PAPPA: variants seen among roughly 807,000 people sequenced by gnomAD.
PAPPA encodes the protein pappalysin 1, also known as pappalysin-1.
A neutral mutation model predicts 164.0 loss-of-function variants in PAPPA; 60 were observed. The ratio of observed to expected loss-of-function variants is 0.37; its 90% CI spans 0.30 to 0.45. The LOEUF is 0.45. Among genes scored for constraint, PAPPA ranks in the 20% least tolerant of loss-of-function variants. The pLI is 1.00. For synonymous variants in PAPPA, 875 were observed against 814.1 expected (o/e 1.07, Z -1.27); for missense variants, 1,782 against 2,087.3 (o/e 0.85, Z 2.85).
chr9:116,278,389 A>C (rs1219865153), intron 9 of PAPPA, among the ~76,000 whole-genome samples: 1 of 152,130 alleles, frequency 6.6e-6, no homozygotes, highest in African/African-American at 2.4e-5. Flanking sequence ...CCTATGTCCA[A>C]CTCCAGACTA....
chr9:116,206,768 A>G (rs1844240726), intron 2 of PAPPA, among the ~76,000 whole-genome samples: 2 of 152,178 alleles, frequency 1.3e-5, no homozygotes. Context: ...GGAGAGCATC[A>G]GGGAAGTCTT....
chr9:116,364,598 C>G (rs915033513), intron 18 of PAPPA, among the ~76,000 whole-genome samples: 1 of 152,166 alleles, frequency 6.6e-6, no homozygotes, highest in Non-Finnish European at 1.5e-5. Context: ...TCAACAAACA[C>G]AAACACATTT....
At chr9:116,162,738 G>C (rs1587934417) in intron 1 of PAPPA, among the ~76,000 whole-genome samples, 1 of 152,156 alleles carries the variant, frequency 6.6e-6, no homozygotes, top group South Asian at 2.1e-4. Flanking sequence ...ACTCATATCA[G>C]TATTATGTGT....
intron 1 of PAPPA, among the ~76,000 whole-genome samples, chr9:116,175,902 CAGAA>C (rs763921080): frequency 3.0e-4 from 45 of 152,288 alleles, no homozygotes; most frequent in Admixed American, 2.4e-3. Context: ...ATTAGGACCT[CAGAA>C]AGACTCAGGA....
At chr9:116,227,784 A>C (rs931244726) in intron 6 of PAPPA, among the ~76,000 whole-genome samples, 2 of 152,206 alleles carry the variant, frequency 1.3e-5, no homozygotes, top group African/African-American at 4.8e-5. Flanking sequence ...AACAAAGACA[A>C]TAAGATATTA....
Position 116,353,746 on chromosome 9 carries a change from T to C in PAPPA, c.4300T>C (p.Phe1434Leu). ...GLYQCTNGFQ[F>L]NSECRIKCED... is the part of the protein sequence containing the mutation. ...CTACCAGTGTACTAATGGCTTCCAG[T>C]TCAACAGTGAGTGTAGGATCAAGTG... The change falls in exon 17 of 22, where the codon TTC becomes CTC. Residue 1434 changes from phenylalanine to leucine, a missense_variant. Physicochemically the swap from Phe to Leu is conservative, Grantham distance 22. Around this residue, in one of 2 missense-constraint regions of PAPPA, gnomAD observed 1,324 missense variants for 1,656.9 expected, o/e 0.80. Transcript: ENST00000328252. 6.2e-7 allele frequency: 1 copy of C among 1,614,122 alleles called. No homozygotes were observed. The highest frequency in any genetic ancestry group is 8.5e-7 in the Non-Finnish European group (1 of 1,179,984).
At chr9:116,384,462 A>G (rs1313284462) in intron 21 of PAPPA, among the ~76,000 whole-genome samples, 3 of 152,032 alleles carry the variant, frequency 2.0e-5, no homozygotes, top group Non-Finnish European at 2.9e-5. Flanking sequence ...CTCAAAATTT[A>G]AAAAAGTTCT....
At chr9:116,365,080 C>G (rs547968306) in intron 18 of PAPPA, among the ~76,000 whole-genome samples, 11 of 152,326 alleles carry the variant, frequency 7.2e-5, no homozygotes, top group African/African-American at 2.6e-4. Flanking sequence ...CCTCGCTTTC[C>G]TCCAAATGCG....
intron 1 of PAPPA, among the ~76,000 whole-genome samples, chr9:116,157,309 G>A (rs574920926): frequency 6.6e-5 from 10 of 152,166 alleles, no homozygotes; most frequent in Non-Finnish European, 1.5e-4. Context: ...GGAGAGACAG[G>A]GGGAAGGAGC....
intron 21 of PAPPA, among the ~76,000 whole-genome samples, chr9:116,389,761 C>G (rs1846865494): frequency 6.6e-6 from 1 of 152,000 alleles, no homozygotes; most frequent in Non-Finnish European, 1.5e-5. Flanking sequence ...CCCTGACCAC[C>G]CAACCCACAT....
intron 10 of PAPPA, among the ~76,000 whole-genome samples, chr9:116,326,964 T>C (rs1845928467): frequency 6.6e-6 from 1 of 152,256 alleles, no homozygotes; most frequent in Admixed American, 6.5e-5. Context: ...ATATCACATA[T>C]TCTTTATCCA....
At chr9:116,305,525 T>C (rs1845635819) in intron 10 of PAPPA, among the ~76,000 whole-genome samples, 1 of 151,986 alleles carries the variant, frequency 6.6e-6, no homozygotes, top group African/African-American at 2.4e-5. Flanking sequence ...AAAGGCCCTG[T>C]AGGAGCATGG....
intron 10 of PAPPA, among the ~76,000 whole-genome samples, chr9:116,316,015 C>G (rs889027622): frequency 1.2e-4 from 19 of 152,208 alleles, no homozygotes; most frequent in African/African-American, 4.6e-4. Context: ...GGTTAGGTCA[C>G]TTACCCAAGT....
At chr9:116,303,051 C>T (rs1323133414) in intron 10 of PAPPA, 101 bp downstream of exon 10, 7 of 849,234 alleles carry the variant, frequency 8.2e-6, no homozygotes, top group African/African-American at 5.1e-5. Context: ...TGGCTATAGC[C>T]ACTTGAGCAT....
intron 1 of PAPPA, among the ~76,000 whole-genome samples, chr9:116,169,310 CTTTTTTTTT>C (rs563871496): frequency 9.6e-5 from 5 of 52,154 alleles, no homozygotes; most frequent in East Asian, 9.1e-4. Flanking sequence ...CAAACCCATT[CTTTTTTTTT>C]TTTTTTTTTT....
intron 6 of PAPPA, among the ~76,000 whole-genome samples, chr9:116,228,805 C>G (rs1425298182): frequency 6.6e-6 from 1 of 152,154 alleles, no homozygotes; most frequent in East Asian, 1.9e-4. Flanking sequence ...TTCCCTGGAG[C>G]CTGTTCAAGC....
intron 10 of PAPPA, chr9:116,316,419 C>G (rs971801355): frequency 6.6e-6 from 1 of 152,190 alleles, no homozygotes; most frequent in African/African-American, 2.4e-5. Flanking sequence ...ATCCCAGATT[C>G]TCAGGCACTG....
chr9:116,259,573 G>A (rs772413857), intron 7 of PAPPA, among the ~76,000 whole-genome samples: 14 of 152,104 alleles, frequency 9.2e-5, no homozygotes, highest in Non-Finnish European at 1.8e-4. Flanking sequence ...ATCAGGGAAA[G>A]GCAAAATAAA....
chr9:116,277,744 T>C (rs2118837586), intron 9 of PAPPA, among the ~76,000 whole-genome samples: 1 of 152,334 alleles, frequency 6.6e-6, no homozygotes, highest in East Asian at 1.9e-4. Context: ...CAGCATGATC[T>C]GGACTCACTG....
Sources: allele counts gnomAD v4.1 joint callset (sites outside exome capture counted in the v4.1 genomes callset), GRCh38; gene constraint gnomAD v4.1.1; regional missense constraint gnomAD v4.1.1; transcripts MANE v1.5; gene names NCBI Gene and HGNC (gene_info 2026-07-23, HGNC 2026-07-21).